GUSB: variants seen among roughly 807,000 people sequenced by gnomAD.
GUSB encodes the protein beta-glucuronidase.
Under a neutral mutation model 74.6 loss-of-function variants are expected in GUSB, and 51 were observed. That is an observed-to-expected ratio of 0.68 (90% CI 0.55 to 0.86). The LOEUF is 0.86. GUSB is among the 40% of genes least tolerant of loss of function. GUSB has a pLI of 0.00. For synonymous variants in GUSB, 360 were observed against 348.3 expected, an observed-to-expected ratio of 1.03 and a Z score of -0.37; for missense variants, 736 against 853.7, an observed-to-expected ratio of 0.86 and a Z score of 1.72.
In GUSB at chr7:65,976,001, C is replaced by T; in HGVS notation, c.912+14G>A. 1 of 1,611,800 alleles carries T rather than the reference C, an allele frequency of 6.2e-7. No homozygotes were observed. The highest frequency in any genetic ancestry group is 8.5e-7 in the Non-Finnish European group (1 of 1,179,108). ...CAAAAGACCTCCCTTAGGCATGTCCCAAACCACCATTACCTCCAATGAATA... is the reference window on the plus strand; with the variant it reads ...CAAAAGACCTCCCTTAGGCATGTCCTAAACCACCATTACCTCCAATGAATA... On this transcript the variant is annotated intron_variant, in intron 5 of 11. Coordinates refer to ENST00000304895, the MANE Select transcript of GUSB (RefSeq NM_000181.4).
At position 65,979,393 on chromosome 7, in the gene GUSB, C is replaced by A. The variant is rs1791826023; in HGVS notation, c.724+6G>T. The A allele has an allele frequency of 6.2e-7, 1 of 1,612,964 alleles. No individual in the cohort carries two copies. ...CCGCTGAGAGGATCCTACCAGAAGC[C>A]CTCACCACTGTCTTGCTCCACGCTG... On this transcript the variant is annotated splice_donor_region_variant and intron_variant, in intron 4 of 11. Transcript: ENST00000304895.
intron 10 of GUSB, among the ~76,000 whole-genome samples, chr7:65,965,465 C>A (rs551254055): frequency 6.6e-6 from 1 of 152,244 alleles, no homozygotes; most frequent in South Asian, 2.1e-4. Context: ...CCTCAGTAGC[C>A]ATGTGTAGCT....
chr7:65,960,873 A>T lies in GUSB; in HGVS notation c.*24T>A, dbSNP rs1437291871. On this transcript the variant is annotated 3_prime_UTR_variant, in exon 12 of 12. Coordinates refer to ENST00000304895, the MANE Select transcript of GUSB (RefSeq NM_000181.4). The stretch of plus-strand genomic sequence containing the variant: ...GTCGCCCTGACTCGGGGAGGAAGGG[A>T]CACGCAGGTGGTATCAGTCTTGCTC... The T allele has an allele frequency of 1.2e-6, 2 of 1,607,570 alleles. No individual in the cohort carries two copies. Among genetic ancestry groups the T allele is most frequent in the Non-Finnish European group, 8.5e-7 (1 of 1,174,214 alleles).
chr7:65,980,273 C>A lies in GUSB; in HGVS notation c.347G>T (p.Arg116Leu), dbSNP rs538431094. 5 of 1,590,800 alleles carry A rather than the reference C, an allele frequency of 3.1e-6. 1 individual carries two copies. In the South Asian group the frequency reaches 5.5e-5, roughly 18 times the overall value. Residue 116 changes from arginine (R) to leucine (L), a missense_variant, in exon 2 of 12, where the codon CGC (arginine) becomes CTC (leucine). This residue lies in a region of GUSB where 368 missense variants were observed against 363.8 expected (regional missense o/e 1.01). Coordinates refer to ENST00000304895, the MANE Select transcript of GUSB (RefSeq NM_000181.4). ...ILPERWTQDL[R>L]TRVVLRIGSA... is the part of the protein sequence containing the mutation. The stretch of plus-strand genomic sequence containing the variant: ...GCCAATCCTCAGCACCACTCTTGTG[C>A]GCAGGTCCTGGGTCCATCGCTCCGG...
In GUSB at chr7:65,967,742, C is replaced by G. The variant is rs1291640632; in HGVS notation, c.1642G>C (p.Gly548Arg). The change falls in exon 10 of 12, where the codon GGG becomes CGG. Residue 548 changes from glycine to arginine, a missense_variant. Transcript: ENST00000304895. ...QSEYGAETIA[G>R]FHQDPPLMFT... is the part of the protein sequence containing the mutation. ...TCAACACTGCTTACCTGGTGAAACC[C>G]TGCAATCGTTTCTGCTCCATACTCG... is the stretch of plus-strand genomic sequence containing the variant. 6 of 1,613,510 alleles carry G rather than the reference C, an allele frequency of 3.7e-6. No homozygotes were observed. Among genetic ancestry groups the G allele is most frequent in the Non-Finnish European group, 2.5e-6 (3 of 1,179,724 alleles).
chr7:65,967,655 G>A (rs774380038), intron 10 of GUSB, 76 bp downstream of exon 10: 23 of 1,214,358 alleles, frequency 1.9e-5, no homozygotes, highest in South Asian at 3.6e-5. Flanking sequence ...TGCAGTGGGC[G>A]CAGGTCAGGC....
In GUSB at chr7:65,980,395, C is replaced by T. The variant is rs1368592914; in HGVS notation, c.225G>A (p.Val75=). 2 of 1,613,360 alleles carry T rather than the reference C, an allele frequency of 1.2e-6. No homozygotes were observed. Among genetic ancestry groups the T allele is most frequent in the South Asian group, 2.2e-5 (2 of 90,920 alleles). Residue 75 remains valine (V), a synonymous_variant, in exon 2 of 12, where the codon GTG becomes GTA. Coordinates refer to ENST00000304895, the MANE Select transcript of GUSB (RefSeq NM_000181.4). ...TGAAGCTGGAGGGAACTGGCATGTC[C>T]ACGGTGGGGCCTGACTGTGGAGAGA... ...RRPLWESGPT[V]DMPVPSSFND... is the part of the protein sequence containing the mutation.
intron 8 of GUSB, among the ~76,000 whole-genome samples, chr7:65,973,940 A>C (rs1371077942): frequency 6.6e-6 from 1 of 151,438 alleles, no homozygotes. Flanking sequence ...TTGAAAAAAA[A>C]AAACAGCCCC....
intron 4 of GUSB, among the ~76,000 whole-genome samples, chr7:65,977,421 C>A (rs1287066721): frequency 2.6e-5 from 4 of 152,218 alleles, no homozygotes; most frequent in African/African-American, 7.2e-5. Context: ...GGATTACAGG[C>A]ATGAGCCAGT....
chr7:65,981,491 C>T (rs1792017295), intron 1 of GUSB, among the ~76,000 whole-genome samples: 1 of 151,966 alleles, frequency 6.6e-6, no homozygotes, highest in African/African-American at 2.4e-5. Context: ...CCCGCCTCCA[C>T]CTCCCAAAGT....
At chr7:65,977,233 G>A (rs1372938067) in intron 4 of GUSB, among the ~76,000 whole-genome samples, 3 of 152,182 alleles carry the variant, frequency 2.0e-5, no homozygotes, top group African/African-American at 7.2e-5. Context: ...CTGGAGTGCA[G>A]TGTTGCAATC....
rs1277204339 is a variant in GUSB, at chr7:65,982,052, G to A, written c.132C>T (p.Leu44=). The change falls in exon 1 of 12, where the codon CTC becomes CTT. Residue 44 remains leucine, a synonymous_variant. Transcript: ENST00000304895. ...CAGAGAAGTCGGCGCGGAAGCTCCAGAGGCCGTCCAGCTCCTTGCACTCCC... is the reference window on the plus strand; with the variant it reads ...CAGAGAAGTCGGCGCGGAAGCTCCAAAGGCCGTCCAGCTCCTTGCACTCCC... ...PSRECKELDG[L]WSFRADFSDN... 6.2e-7 allele frequency: 1 copy of A among 1,610,820 alleles called. No homozygotes were observed. Among genetic ancestry groups the A allele is most frequent in the African/African-American group, 1.3e-5 (1 of 74,684 alleles).
intron 11 of GUSB, among the ~76,000 whole-genome samples, chr7:65,963,835 T>C (rs736270): frequency 0.52 from 79,203 of 152,058 alleles, 21,570 homozygotes; most frequent in East Asian, 0.81. Context: ...CGTGAGCCAC[T>C]ACACCTGGCC....
Position 65,980,224 on chromosome 7 carries a change from C to A in GUSB, c.396G>T (p.Val132=). The part of the protein sequence containing the change: ...RIGSAHSYAI[V]WVNGVDTLEH... ...CCTGCCTGCTCCTGGCCGCACTGAC[C>A]ACGATGGCATAGGAATGGGCACTGC... The change falls in exon 2 of 12, where the codon GTG becomes GTT. Residue 132 remains valine, a splice_region_variant and synonymous_variant. Coordinates refer to ENST00000304895, the MANE Select transcript of GUSB (RefSeq NM_000181.4). 1 of 1,597,976 alleles carries A rather than the reference C, an allele frequency of 6.3e-7. No homozygotes were observed. The highest frequency in any genetic ancestry group is 1.1e-5 in the South Asian group (1 of 89,288).
intron 1 of GUSB, among the ~76,000 whole-genome samples, chr7:65,981,193 G>A (rs1250239219): frequency 6.6e-6 from 1 of 150,850 alleles, no homozygotes; most frequent in African/African-American, 2.4e-5. Flanking sequence ...GGTAAATAGT[G>A]ACACCCTGTA....
At chr7:65,976,456 C>T (rs998852682) in intron 4 of GUSB, among the ~76,000 whole-genome samples, 1 of 151,758 alleles carries the variant, frequency 6.6e-6, no homozygotes, top group African/African-American at 2.4e-5. Flanking sequence ...CTCCCAAGTA[C>T]CTGGGATTAT....
At chr7:65,962,458 C>G (rs1023937033) in intron 11 of GUSB, among the ~76,000 whole-genome samples, 2 of 152,238 alleles carry the variant, frequency 1.3e-5, no homozygotes, top group Non-Finnish European at 2.9e-5. Flanking sequence ...TCGCCAAGTA[C>G]TTCATCAAAT....
rs931670370 is a variant in GUSB at position 65,974,789 on chromosome 7, T to A, written c.1066-85A>T. 5 of 1,558,390 alleles carry A rather than the reference T, an allele frequency of 3.2e-6. No individual in the cohort carries two copies. In the African/African-American group the frequency reaches 6.8e-5, roughly 21 times the overall value. On this transcript the variant is annotated intron_variant, in intron 6 of 11. Transcript: ENST00000304895. ...GCCAGGACCCTGGAGAGCCACCCCA[T>A]GAGCCCCCTCTCCATTTGGAGCCAT...
chr7:65,970,310 C>T lies in GUSB; in HGVS notation c.1448G>A (p.Ser483Asn). 2 of 1,612,968 alleles carry T rather than the reference C, an allele frequency of 1.2e-6. No individual in the cohort carries two copies. Among genetic ancestry groups the T allele is most frequent in the Non-Finnish European group, 1.7e-6 (2 of 1,179,302 alleles). Residue 483 changes from serine (S) to asparagine (N), a missense_variant, in exon 9 of 12, where the codon AGC (serine) becomes AAC (asparagine). Physicochemically the swap from Ser to Asn is conservative, Grantham distance 46. Transcript: ENST00000304895. ...LDPSRPVTFV[S>N]NSNYAADKGA... is the part of the protein sequence containing the mutation. ...CTTGTCTGCTGCATAGTTAGAGTTG[C>T]TCACAAAGGTCACAGGCCGGGAGGG...
Sources: allele counts gnomAD v4.1 joint callset (sites outside exome capture counted in the v4.1 genomes callset), GRCh38; gene constraint gnomAD v4.1.1; regional missense constraint gnomAD v4.1.1; transcripts MANE v1.5; gene names NCBI Gene and HGNC (gene_info 2026-07-23, HGNC 2026-07-21).